Variants in MOK observed in about 807,000 individuals in gnomAD.
The protein encoded by MOK is MOK protein kinase.
A neutral mutation model predicts 54.2 loss-of-function variants in MOK; 59 were observed. The ratio of observed to expected loss-of-function variants is 1.09; its 90% confidence interval spans 0.88 to 1.35. The LOEUF (loss-of-function observed/expected upper bound fraction) is 1.35, where lower values mean the gene tolerates loss of function less well. MOK is among the 40% of genes most tolerant of loss of function. MOK has a pLI of 0.00. For synonymous variants in MOK, 210 were observed against 202.7 expected, an observed-to-expected ratio of 1.04 and a Z score of -0.31; for missense variants, 517 against 526.2, an observed-to-expected ratio of 0.98 and a Z score of 0.17.
intron 7 of MOK, among the ~76,000 whole-genome samples, chr14:102,243,666 C>T (rs2065883617): frequency 6.6e-6 from 1 of 152,164 alleles, no homozygotes; most frequent in Admixed American, 6.5e-5. Context: ...ACCAGTGTTC[C>T]TGGCCCAGAC....
At position 102,229,146 on chromosome 14, in the gene MOK, G is replaced by A. The variant is rs534398107; in HGVS notation, c.*143C>T. ...CGGGCCGCGGGTGCGGCAGGGCGCA[G>A]GGCAGCACCCAGAGCCCCGGCCAGC... On this transcript the variant is annotated 3_prime_UTR_variant, in exon 12 of 12. Transcript: ENST00000361847. 3.4e-6 allele frequency: 3 copies of A among 873,782 alleles called. No homozygotes were observed. Among genetic ancestry groups the A allele is most frequent in the Admixed American group, 3.0e-5 (1 of 33,766 alleles). 54.1% of individuals were successfully genotyped at this position (873,782 alleles called of 1,614,324 possible).
chr14:102,285,664 G>A (rs1172012932), intron 1 of MOK, among the ~76,000 whole-genome samples: 1 of 152,058 alleles, frequency 6.6e-6, no homozygotes, highest in Non-Finnish European at 1.5e-5. Context: ...GACCCAGGTC[G>A]GTGGATCACT....
At chr14:102,222,059 A>G (rs2063952925), downstream of MOK, among the ~76,000 whole-genome samples, 1 of 152,180 alleles carries the variant, frequency 6.6e-6, no homozygotes, top group African/African-American at 2.4e-5. This position sits in a 1 kb window ranked among gnomAD's most constrained non-coding sequence, Gnocchi z 4.4. Context: ...AGGTCACACC[A>G]GTATTGTAAA....
In MOK at chr14:102,229,449, C is replaced by A. The variant is rs527936188; in HGVS notation, c.1182+8G>T. On this transcript the variant is annotated splice_region_variant and intron_variant, in intron 11 of 11. Transcript: ENST00000361847. ...GCAGCGCCGTCAGAGAAGCTGGTTC[C>A]GCGCTACCTTCTTGCTCGCAGGGAT... is the stretch of plus-strand genomic sequence containing the variant. 7 of 1,614,062 alleles carry A rather than the reference C, an allele frequency of 4.3e-6. No homozygotes were observed. Among genetic ancestry groups the A allele is most frequent in the Non-Finnish European group, 5.9e-6 (7 of 1,180,024 alleles).
intron 2 of MOK, among the ~76,000 whole-genome samples, chr14:102,275,295 C>T (rs910623390): frequency 1.3e-5 from 2 of 151,876 alleles, no homozygotes; most frequent in South Asian, 2.1e-4. Flanking sequence ...CCGGGCACGG[C>T]GGCTCACGCC....
downstream of MOK, chr14:102,224,843 AAG>A (rs1450867715): frequency 2.0e-5 from 9 of 455,156 alleles, no homozygotes; most frequent in African/African-American, 1.6e-4. Flanking sequence ...TTCTAAATGA[AAG>A]AATCAGAATG....
chr14:102,266,312 T>G (rs2067900679), intron 2 of MOK, among the ~76,000 whole-genome samples: 1 of 152,086 alleles, frequency 6.6e-6, no homozygotes, highest in South Asian at 2.1e-4. Context: ...CCCTCCTTTT[T>G]TTTTTTGTTT....
rs143390413 is a variant in MOK at position 102,295,911 on chromosome 14, G to C, written c.7+9051C>G. ...AACACTTTGGGAGTGCAAGATGGGA[G>C]GATCACTTCAGATCAGGAGTTCATG... On this transcript the variant is annotated intron_variant, in intron 1 of 11. Transcript: ENST00000361847. 2.5e-4 allele frequency among the ~76,000 whole-genome samples: 38 copies of C among 152,306 alleles called. 1 individual carries two copies. The East Asian group carries it at 6.6e-3, about 26-fold the overall frequency.
At chr14:102,299,401 G>A (rs1026631564) in intron 1 of MOK, among the ~76,000 whole-genome samples, 2 of 151,844 alleles carry the variant, frequency 1.3e-5, no homozygotes, top group Non-Finnish European at 2.9e-5. Flanking sequence ...ATAAATCCCA[G>A]CTACTCGGGA....
At chr14:102,297,386 T>G (rs1355155454) in intron 1 of MOK, among the ~76,000 whole-genome samples, 2 of 144,924 alleles carry the variant, frequency 1.4e-5, no homozygotes, top group Non-Finnish European at 3.0e-5. Context: ...AACAAATAAA[T>G]AAACAAATAA....
chr14:102,281,903 C>T (rs1298594678), intron 2 of MOK, among the ~76,000 whole-genome samples: 4 of 152,208 alleles, frequency 2.6e-5, no homozygotes, highest in African/African-American at 4.8e-5. Context: ...AGCAGAACAC[C>T]TGGTGGCTTC....
intron 2 of MOK, among the ~76,000 whole-genome samples, chr14:102,277,632 A>G (rs1028785395): frequency 6.6e-6 from 1 of 151,858 alleles, no homozygotes; most frequent in African/African-American, 2.4e-5. Flanking sequence ...AAAAAAAAAA[A>G]GAGATAAACT....
At chr14:102,260,704 A>C (rs2067315705) in intron 4 of MOK, 1 of 152,204 alleles carries the variant, frequency 6.6e-6, no homozygotes, top group African/African-American at 2.4e-5. Context: ...TAATGAATGG[A>C]GGTCTACTGC....
intron 4 of MOK, among the ~76,000 whole-genome samples, chr14:102,253,091 G>T (rs2066657855): frequency 1.3e-5 from 2 of 152,180 alleles, no homozygotes. Context: ...TTTGAAACAG[G>T]TGAAGCAGGT....
Position 102,250,809 on chromosome 14 carries a change from T to C in MOK, c.590+3A>G, listed in dbSNP as rs2066466671. ...ACCAGGCAGGAGCCTGGCCTGGTGC[T>C]ACCTGGCGATCTCGTAGAACACACA... On this transcript the variant is annotated splice_donor_region_variant and intron_variant, in intron 7 of 11. Transcript: ENST00000361847. 4 of 1,612,658 alleles carry C rather than the reference T, an allele frequency of 2.5e-6. No individual in the cohort carries two copies. The highest frequency in any genetic ancestry group is 4.5e-5 in the East Asian group (2 of 44,824).
At chr14:102,215,876 C>T in the MOK span, among the ~76,000 whole-genome samples, 1 of 152,214 alleles carries the variant, frequency 6.6e-6, no homozygotes, top group Non-Finnish European at 1.5e-5. Flanking sequence ...TGACAGACGA[C>T]GTAGCTGATC....
At position 102,241,227 on chromosome 14, in the gene MOK, G is replaced by C. The variant is rs1395099333; in HGVS notation, c.591-7438C>G. Among the ~76,000 whole-genome samples, 5 of 152,002 alleles carry C rather than the reference G, an allele frequency of 3.3e-5. No homozygotes were observed. In the South Asian group the frequency reaches 6.2e-4, roughly 19 times the overall value. On this transcript the variant is annotated intron_variant, in intron 7 of 11. Transcript: ENST00000361847. ...CTCCACTCCAAGCTCTGAGTCCTTT[G>C]AATCCTTTTCTACAGACCCATCTGA...
Position 102,233,754 on chromosome 14 carries a change from T to C in MOK, c.626A>G (p.Asp209Gly). The C allele has an allele frequency of 6.2e-7, 1 of 1,614,064 alleles. No homozygotes were observed. ...QPLFPGVNEL[D>G]QISKIHDVIG... The stretch of plus-strand genomic sequence containing the variant: ...GACATCGTGGATTTTTGAGATTTGG[T>C]CCAGTTCATTTACTCCAGGAAAGAG... The change falls in exon 8 of 12, where the codon GAC (aspartate) becomes GGC (glycine). Residue 209 changes from aspartate to glycine, a missense_variant. Coordinates refer to ENST00000361847, the MANE Select transcript of MOK (RefSeq NM_014226.3).
At chr14:102,225,948 A>G (rs769689900), downstream of MOK, 11 of 255,438 alleles carry the variant, frequency 4.3e-5, no homozygotes, top group South Asian at 1.7e-4. Flanking sequence ...CTGGCGTTGG[A>G]GAATGCACGG....
Sources: allele counts gnomAD v4.1 joint callset (sites outside exome capture counted in the v4.1 genomes callset), GRCh38; gene constraint gnomAD v4.1.1; non-coding constraint Gnocchi (gnomAD v3.1); transcripts MANE v1.5; gene names NCBI Gene and HGNC (gene_info 2026-07-23, HGNC 2026-07-21).